Variants in FBXL17 observed in about 807,000 individuals in gnomAD.
FBXL17 encodes the protein F-box/LRR-repeat protein 17.
Under a neutral mutation model 66.2 loss-of-function variants are expected in FBXL17, and 22 were observed. The observed-to-expected ratio is 0.33, with a 90% CI of 0.24 to 0.47. The LOEUF is 0.47. FBXL17 is among the 20% of genes least tolerant of loss of function. FBXL17 has a pLI of 1.00. For synonymous variants in FBXL17, 474 were observed against 400.5 expected (o/e 1.18, Z -2.19); for missense variants, 878 against 948.2 (o/e 0.93, Z 0.97).
chr5:108,141,325 C>A (rs879782571), intron 6 of FBXL17, among the ~76,000 whole-genome samples: 3 of 152,156 alleles, frequency 2.0e-5, no homozygotes, highest in Non-Finnish European at 4.4e-5. Flanking sequence ...CCAACACACA[C>A]ACAGACCCAG....
intron 6 of FBXL17, among the ~76,000 whole-genome samples, chr5:108,135,526 G>A (rs1751100145): frequency 6.6e-6 from 1 of 152,094 alleles, no homozygotes; most frequent in Non-Finnish European, 1.5e-5. Flanking sequence ...CTTATCTGTA[G>A]TGAAGTGAAC....
At chr5:108,121,062 G>C (rs1224720453) in intron 6 of FBXL17, among the ~76,000 whole-genome samples, 1 of 152,194 alleles carries the variant, frequency 6.6e-6, no homozygotes, top group African/African-American at 2.4e-5. Flanking sequence ...GAGTGCGGTG[G>C]CTCACGCCTG....
At chr5:108,051,159 AAAGAG>A (rs1203388582) in intron 6 of FBXL17, among the ~76,000 whole-genome samples, 7 of 152,224 alleles carry the variant, frequency 4.6e-5, no homozygotes, top group African/African-American at 1.4e-4. Flanking sequence ...CCAGAGGTAC[AAAGAG>A]GAGCTGGTAC....
chr5:107,921,385 C>T (rs925427029), intron 7 of FBXL17, among the ~76,000 whole-genome samples: 3 of 152,208 alleles, frequency 2.0e-5, no homozygotes, highest in East Asian at 1.9e-4. Context: ...CATATATTTG[C>T]ATGTAAAGTA....
At chr5:107,991,111 A>C (rs17160819) in intron 7 of FBXL17, among the ~76,000 whole-genome samples, 2,743 of 152,266 alleles carry the variant, frequency 0.018, 82 homozygotes, top group African/African-American at 0.063. Context: ...TGTCAAAATG[A>C]CCTACTTAGA....
At chr5:108,279,910 C>T (rs1026480033) in intron 4 of FBXL17, among the ~76,000 whole-genome samples, 17 of 151,574 alleles carry the variant, frequency 1.1e-4, no homozygotes, top group Non-Finnish European at 7.4e-5. Flanking sequence ...TGAAATAATC[C>T]AGTCAAATAA....
At chr5:108,198,158 A>T (rs1039571028) in intron 5 of FBXL17, among the ~76,000 whole-genome samples, 1 of 152,140 alleles carries the variant, frequency 6.6e-6, no homozygotes, top group African/African-American at 2.4e-5. Context: ...TCTCTGTAGA[A>T]GAGGTTTACT....
chr5:107,899,625 T>C (rs899741562), intron 7 of FBXL17, among the ~76,000 whole-genome samples: 4 of 152,062 alleles, frequency 2.6e-5, no homozygotes, highest in Non-Finnish European at 5.9e-5. Flanking sequence ...TAAAAGAAGA[T>C]TTTTGATTAC....
Position 108,380,816 on chromosome 5 carries a change from C to T in FBXL17, c.876G>A (p.Gln292=). ...GACAGTCCGCGTCGCCACATTCATG[C>T]TGCTGCTGGGCGGACAAGGGGGCGG... ...GGTAPLSAQQ[Q]HECGDADCRE... Residue 292 remains glutamine (Q), a synonymous_variant, in exon 1 of 9, where the codon CAG becomes CAA. Transcript: ENST00000542267. 8.0e-7 allele frequency: 1 copy of T among 1,248,094 alleles called. No individual in the cohort carries two copies. The highest frequency in any genetic ancestry group is 1.0e-6 in the Non-Finnish European group (1 of 988,146). The allele number at this position is 1,248,094 out of a possible 1,614,324, so 77.3% of individuals were successfully genotyped here.
At chr5:108,304,971 AT>A (rs1233328753) in intron 4 of FBXL17, among the ~76,000 whole-genome samples, 1 of 152,026 alleles carries the variant, frequency 6.6e-6, no homozygotes, top group Admixed American at 6.6e-5. Flanking sequence ...CCATTTCTCA[AT>A]TTCTAATTCT....
chr5:107,992,903 C>CT (rs1248182750), intron 7 of FBXL17, among the ~76,000 whole-genome samples: 29 of 148,606 alleles, frequency 2.0e-4, no homozygotes, highest in South Asian at 6.4e-4. Flanking sequence ...TTTCCTTCCT[C>CT]TTTTTTTTTT....
intron 4 of FBXL17, among the ~76,000 whole-genome samples, chr5:108,251,304 T>G (rs1202538954): frequency 1.3e-5 from 2 of 152,086 alleles, no homozygotes; most frequent in Non-Finnish European, 2.9e-5. Flanking sequence ...ATGAGGTTTT[T>G]GCTTGGAGTT....
chr5:108,057,396 T>C (rs1315208029), intron 6 of FBXL17, among the ~76,000 whole-genome samples: 2 of 152,166 alleles, frequency 1.3e-5, no homozygotes, highest in African/African-American at 4.8e-5. Context: ...TTAAAGACAG[T>C]TTCCCAGAGT....
intron 6 of FBXL17, among the ~76,000 whole-genome samples, chr5:108,064,529 C>G (rs192774221): frequency 4.6e-5 from 7 of 152,264 alleles, no homozygotes; most frequent in African/African-American, 1.7e-4. Flanking sequence ...TTATCCAGGT[C>G]ACTACAGTCA....
At chr5:108,113,895 T>C (rs1237463403) in intron 6 of FBXL17, among the ~76,000 whole-genome samples, 1 of 152,184 alleles carries the variant, frequency 6.6e-6, no homozygotes, top group Non-Finnish European at 1.5e-5. Context: ...AATTGGCTTT[T>C]CAAAAGAAAA....
intron 4 of FBXL17, among the ~76,000 whole-genome samples, chr5:108,347,700 T>TA (rs1747372691): frequency 6.6e-6 from 1 of 152,156 alleles, no homozygotes. Flanking sequence ...GAGGGATAGC[T>TA]AATGGGCACA....
At chr5:108,043,223 A>G (rs557101229) in intron 6 of FBXL17, among the ~76,000 whole-genome samples, 141 of 152,178 alleles carry the variant, frequency 9.3e-4, no homozygotes, top group African/African-American at 3.1e-3. Flanking sequence ...AAAGTTTTTA[A>G]TTTTGATGAA....
intron 6 of FBXL17, among the ~76,000 whole-genome samples, chr5:108,030,036 A>T (rs1399311516): frequency 6.6e-6 from 1 of 152,178 alleles, no homozygotes; most frequent in Non-Finnish European, 1.5e-5. Context: ...TCAAAGGACT[A>T]TGTAGTATAC....
chr5:108,110,755 A>T (rs1035654883), intron 6 of FBXL17, among the ~76,000 whole-genome samples: 1 of 152,062 alleles, frequency 6.6e-6, no homozygotes, highest in Non-Finnish European at 1.5e-5. Flanking sequence ...TGCAAAAAAA[A>T]AAGGGGCGAA....
Sources: allele counts gnomAD v4.1 joint callset (sites outside exome capture counted in the v4.1 genomes callset), GRCh38; gene constraint gnomAD v4.1.1; transcripts MANE v1.5; gene names NCBI Gene and HGNC (gene_info 2026-07-23, HGNC 2026-07-21).